ACTR3: variants seen among roughly 807,000 people sequenced by gnomAD.
ACTR3 encodes actin related protein 3, also known as actin-related protein 3.
In ACTR3, 12 loss-of-function variants were observed where a neutral mutation model predicts 56.8. The ratio of observed to expected loss-of-function variants is 0.21; its 90% CI spans 0.14 to 0.34. The LOEUF (loss-of-function observed/expected upper bound fraction) is 0.34, where lower values mean the gene tolerates loss of function less well. ACTR3 is among the 10% of genes least tolerant of loss of function. ACTR3 has a pLI of 1.00. For missense variants in ACTR3, 282 were observed against 512.5 expected (o/e 0.55, Z 4.34); for synonymous variants, 162 against 167.4 (o/e 0.97, Z 0.25).
intron 3 of ACTR3, among the ~76,000 whole-genome samples, chr2:113,921,977 A>G (rs1195544341): frequency 2.0e-5 from 3 of 152,216 alleles, no homozygotes; most frequent in African/African-American, 7.2e-5. Flanking sequence ...ATGCATGGGT[A>G]GATATGTAGA....
intron 6 of ACTR3, 21 bp from the exon 7 acceptor site, chr2:113,939,938 T>C: frequency 6.4e-7 from 1 of 1,555,684 alleles, no homozygotes; most frequent in East Asian, 2.3e-5. Context: ...GTAAATTTGG[T>C]ATCTTTTTTC....
At chr2:113,937,812 A>G (rs908169125) in intron 6 of ACTR3, among the ~76,000 whole-genome samples, 4 of 152,082 alleles carry the variant, frequency 2.6e-5, no homozygotes, top group African/African-American at 4.8e-5. Context: ...ATTGTGATGT[A>G]CCTAAGTAAA....
intron 1 of ACTR3, among the ~76,000 whole-genome samples, chr2:113,895,069 C>G (rs1164056865): frequency 9.9e-6 from 1 of 101,364 alleles, no homozygotes; most frequent in East Asian, 3.8e-4. Context: ...TCCCCCCCCC[C>G]ACCCCCCTGC....
chr2:113,926,609 A>G (rs1267622425), intron 3 of ACTR3, among the ~76,000 whole-genome samples: 1 of 152,236 alleles, frequency 6.6e-6, no homozygotes, highest in Non-Finnish European at 1.5e-5. Flanking sequence ...GGAAAGGGAC[A>G]AAATACAAGG....
At position 113,957,470 on chromosome 2, in the gene ACTR3, T is replaced by G; in HGVS notation, c.*15T>G. 6.2e-7 allele frequency: 1 copy of G among 1,601,056 alleles called. No homozygotes were observed. The highest frequency in any genetic ancestry group is 8.6e-7 in the Non-Finnish European group (1 of 1,168,624). ...TCATGTCGTAAAATTGGCTTCATAG[T>G]TATTGGGGTTAGGGAGGTGGGGAAG... On this transcript the variant is annotated 3_prime_UTR_variant, in exon 12 of 12. Coordinates refer to ENST00000263238, the MANE Select transcript of ACTR3 (RefSeq NM_005721.5).
At chr2:113,911,112 A>G (rs1384556151) in intron 1 of ACTR3, among the ~76,000 whole-genome samples, 2 of 152,166 alleles carry the variant, frequency 1.3e-5, no homozygotes, top group Admixed American at 1.3e-4. Context: ...GAGAGCATCT[A>G]ATGTAGTAGG....
At chr2:113,930,653 C>T (rs1476638185) in intron 4 of ACTR3, among the ~76,000 whole-genome samples, 1 of 152,172 alleles carries the variant, frequency 6.6e-6, no homozygotes, top group East Asian at 1.9e-4. Flanking sequence ...TCCAAGACTG[C>T]CAGATCTCTG....
At chr2:113,955,569 A>G in intron 10 of ACTR3, 54 bp from the exon 11 acceptor site, 4 of 1,293,698 alleles carry the variant, frequency 3.1e-6, no homozygotes, top group Non-Finnish European at 4.4e-6. Context: ...TAAATGACAC[A>G]GAAGTTGTTA....
At chr2:113,902,857 C>G (rs1216812337) in intron 1 of ACTR3, among the ~76,000 whole-genome samples, 2 of 152,180 alleles carry the variant, frequency 1.3e-5, no homozygotes, top group Non-Finnish European at 2.9e-5. Context: ...CCTGGGCCTC[C>G]CAAAGTGCTG....
intron 4 of ACTR3, among the ~76,000 whole-genome samples, chr2:113,929,949 G>A (rs1470717639): frequency 1.3e-5 from 2 of 152,140 alleles, no homozygotes; most frequent in South Asian, 2.1e-4. Context: ...AAAGTGCTGG[G>A]ATTATAGATG....
At chr2:113,931,807 C>CT (rs1679727830) in intron 5 of ACTR3, among the ~76,000 whole-genome samples, 1 of 150,906 alleles carries the variant, frequency 6.6e-6, no homozygotes, top group African/African-American at 2.4e-5. Flanking sequence ...ATTTGACACC[C>CT]TAATATTTCA....
chr2:113,941,680 G>A (rs1679927071), intron 7 of ACTR3, among the ~76,000 whole-genome samples: 1 of 152,056 alleles, frequency 6.6e-6, no homozygotes, highest in Admixed American at 6.6e-5. Flanking sequence ...AACCAAATAT[G>A]CAACAAAATA....
intron 4 of ACTR3, among the ~76,000 whole-genome samples, chr2:113,929,225 G>A (rs1679675494): frequency 6.6e-6 from 1 of 151,606 alleles, no homozygotes; most frequent in South Asian, 2.1e-4. Context: ...TCATTGCAGT[G>A]TTGACCTCCC....
intron 1 of ACTR3, among the ~76,000 whole-genome samples, chr2:113,908,663 C>A (rs79589119): frequency 6.6e-6 from 1 of 151,714 alleles, no homozygotes; most frequent in Non-Finnish European, 1.5e-5. Flanking sequence ...ATTTTCTGTA[C>A]GCTTATTCTC....
chr2:113,896,071 G>T (rs1202438024), intron 1 of ACTR3, among the ~76,000 whole-genome samples: 1 of 152,132 alleles, frequency 6.6e-6, no homozygotes, highest in Non-Finnish European at 1.5e-5. Flanking sequence ...TGTTGCCTCA[G>T]GCTGGTCTCA....
chr2:113,928,269 A>G (rs796441794), intron 4 of ACTR3, among the ~76,000 whole-genome samples: 78 of 152,246 alleles, frequency 5.1e-4, no homozygotes, highest in Non-Finnish European at 8.8e-5. Flanking sequence ...TACACCCACA[A>G]TCTAGATTCG....
intron 1 of ACTR3, chr2:113,890,535 C>T (rs541659829): frequency 7.3e-7 from 1 of 1,370,694 alleles, no homozygotes; most frequent in East Asian, 2.9e-5. Flanking sequence ...GGCGCGGGCC[C>T]GAGATTCAAC....
chr2:113,954,628 C>T (rs1680177443), intron 10 of ACTR3: 1 of 145,882 alleles, frequency 6.9e-6, no homozygotes, highest in African/African-American at 2.5e-5. Flanking sequence ...TCAAATGGCT[C>T]TTAGGTTTTT....
At position 113,931,345 on chromosome 2, in the gene ACTR3, T is replaced by C. The variant is rs749365317; in HGVS notation, c.381T>C (p.Ala127=). 6 of 1,599,140 alleles carry C rather than the reference T, an allele frequency of 3.8e-6. No homozygotes were observed. The South Asian group carries it at 5.7e-5, about 15-fold the overall frequency. ...LNTPENREYT[A]EIMFESFNVP... is the part of the protein sequence containing the mutation. ...CTCCAGAAAACAGGGAATATACTGC[T>C]GAAATAATGTTTGAGTCCTTCAATG... Residue 127 remains alanine (A), a synonymous_variant, in exon 5 of 12, where the codon GCT becomes GCC. Coordinates refer to ENST00000263238, the MANE Select transcript of ACTR3 (RefSeq NM_005721.5).
Sources: allele counts gnomAD v4.1 joint callset (sites outside exome capture counted in the v4.1 genomes callset), GRCh38; gene constraint gnomAD v4.1.1; transcripts MANE v1.5; gene names NCBI Gene and HGNC (gene_info 2026-07-23, HGNC 2026-07-21).